Variants in KMT5B observed in about 807,000 individuals in gnomAD.
KMT5B encodes the protein lysine methyltransferase 5B.
In KMT5B, 10 loss-of-function variants were observed where a neutral mutation model predicts 83.2. The observed-to-expected ratio is 0.12, with a 90% CI of 0.07 to 0.20. KMT5B has a LOEUF of 0.20. Ranked by LOEUF, KMT5B falls within the 10% of genes least tolerant of loss-of-function variation. The pLI is 1.00. For synonymous variants in KMT5B, 349 were observed against 388.8 expected, an observed-to-expected ratio of 0.90 and a Z score of 1.20; for missense variants, 753 against 1,067.2, an observed-to-expected ratio of 0.71 and a Z score of 4.10.
intron 1 of KMT5B, among the ~76,000 whole-genome samples, chr11:68,196,943 G>A (rs1858793637): frequency 6.6e-6 from 1 of 151,816 alleles, no homozygotes; most frequent in South Asian, 2.1e-4. Flanking sequence ...TAAAATATAT[G>A]GAATAGAAAG....
Position 68,155,022 on chromosome 11 carries a change from C to T in KMT5B, c.*2666G>A, listed in dbSNP as rs1231427292. The T allele has an allele frequency of 6.6e-6, 1 of 152,138 alleles. No homozygotes were observed. The highest frequency in any genetic ancestry group is 2.4e-5 in the African/African-American group (1 of 41,432). The allele number at this position is 152,138 out of a possible 1,614,324, so 9.4% of individuals were successfully genotyped here. ...TTTCAGTACAAGGAATACATTGTAT[C>T]TCAAAAGTATTACAACTCAGCAAAA... On this transcript the variant is annotated 3_prime_UTR_variant, in exon 11 of 11. Transcript: ENST00000304363.
intron 1 of KMT5B, among the ~76,000 whole-genome samples, chr11:68,210,755 GGGTGATGGAGC>G (rs1860792087): frequency 6.6e-6 from 1 of 152,168 alleles, no homozygotes; most frequent in African/African-American, 2.4e-5. Flanking sequence ...GTAGCTAACA[GGGTGATGGAGC>G]GGAGGGAGGA....
intron 1 of KMT5B, among the ~76,000 whole-genome samples, chr11:68,196,719 A>G (rs772298504): frequency 6.6e-6 from 1 of 151,798 alleles, no homozygotes; most frequent in Non-Finnish European, 1.5e-5. Flanking sequence ...GCTTGCCATT[A>G]TACTTTCTGG....
Position 68,167,182 on chromosome 11 carries a change from A to C in KMT5B, c.978-4T>G. On this transcript the variant is annotated splice_region_variant and splice_polypyrimidine_tract_variant and intron_variant, in intron 9 of 10. Transcript: ENST00000304363. ...TTTAAAAGCACCAGTGCCCCGTCTGAAAGAGAAAATAGCACAGGTTAAACA... is the reference window on the plus strand; with the variant it reads ...TTTAAAAGCACCAGTGCCCCGTCTGCAAGAGAAAATAGCACAGGTTAAACA... The C allele has an allele frequency of 6.2e-7, 1 of 1,604,200 alleles. No individual in the cohort carries two copies. Among genetic ancestry groups the C allele is most frequent in the Non-Finnish European group, 8.5e-7 (1 of 1,174,510 alleles).
intron 9 of KMT5B, among the ~76,000 whole-genome samples, chr11:68,170,493 G>A (rs888225941): frequency 6.6e-6 from 1 of 152,290 alleles, no homozygotes; most frequent in East Asian, 1.9e-4. Context: ...TGAACTGGTG[G>A]TCCTGCCAAT....
rs1012737162 is a variant in KMT5B at position 68,171,857 on chromosome 11, C to T, written c.654-148G>A. On this transcript the variant is annotated intron_variant, in intron 6 of 10. Coordinates refer to ENST00000304363, the MANE Select transcript of KMT5B (RefSeq NM_017635.5). The surrounding 1 kb of genome is among the most constrained non-coding windows in gnomAD (Gnocchi z 5.1). ...TTAGCTCACTGGGATCCCCACCTGG[C>T]TATCTTCTCTCCTACCCTGGAGCTC... 3.9e-5 allele frequency: 25 copies of T among 646,472 alleles called. No homozygotes were observed. The highest frequency in any genetic ancestry group is 5.3e-5 in the Non-Finnish European group (20 of 379,022). 40.0% of individuals were successfully genotyped at this position (646,472 alleles called of 1,614,324 possible). A position where few individuals can be genotyped will look rare whatever the true frequency, so the allele number is the denominator to read the frequency against.
chr11:68,167,547 T>C (rs1458880470), intron 9 of KMT5B, among the ~76,000 whole-genome samples: 1 of 151,748 alleles, frequency 6.6e-6, no homozygotes, highest in African/African-American at 2.4e-5. Context: ...CTCAACCTCT[T>C]AGGCTCAAGA....
chr11:68,183,995 AT>A (rs1857196904), intron 3 of KMT5B, among the ~76,000 whole-genome samples: 1 of 152,172 alleles, frequency 6.6e-6, no homozygotes, highest in Non-Finnish European at 1.5e-5. Context: ...AATGGCAGTC[AT>A]TTGGCAGGGA....
intron 6 of KMT5B, among the ~76,000 whole-genome samples, chr11:68,172,906 G>C (rs556391860): frequency 6.6e-6 from 1 of 152,160 alleles, no homozygotes; most frequent in Non-Finnish European, 1.5e-5. Flanking sequence ...TTTTGTGGTA[G>C]AAATATCAGA....
intron 10 of KMT5B, chr11:68,166,647 T>C (rs1855346082): frequency 9.2e-7 from 1 of 1,083,002 alleles, no homozygotes; most frequent in East Asian, 6.4e-5. Flanking sequence ...CTCAGTCCTT[T>C]TGTCTTCTTG....
intron 1 of KMT5B, among the ~76,000 whole-genome samples, chr11:68,195,752 A>T (rs1443438857): frequency 2.6e-5 from 4 of 151,968 alleles, no homozygotes; most frequent in Non-Finnish European, 5.9e-5. Flanking sequence ...GTGACCAGTA[A>T]TTTTTTTTAA....
chr11:68,188,831 G>A (rs1301070534), intron 2 of KMT5B, among the ~76,000 whole-genome samples: 1 of 152,070 alleles, frequency 6.6e-6, no homozygotes, highest in Non-Finnish European at 1.5e-5. Context: ...AATTCTTCAC[G>A]TTCACACTAG....
chr11:68,194,795 T>A (rs1185253562), intron 1 of KMT5B, among the ~76,000 whole-genome samples: 3 of 152,224 alleles, frequency 2.0e-5, no homozygotes, highest in Admixed American at 1.3e-4. Context: ...TCTGTGGCTA[T>A]AAGCTTTCAT....
chr11:68,189,177 A>G (rs1232999132), intron 2 of KMT5B, among the ~76,000 whole-genome samples: 1 of 152,254 alleles, frequency 6.6e-6, no homozygotes, highest in Non-Finnish European at 1.5e-5. Flanking sequence ...GGCTAGATTC[A>G]CGTTAGAAAA....
intron 1 of KMT5B, among the ~76,000 whole-genome samples, chr11:68,201,462 T>C (rs141594089): frequency 6.6e-6 from 1 of 152,290 alleles, no homozygotes; most frequent in Non-Finnish European, 1.5e-5. Flanking sequence ...CTTTATGAGA[T>C]TATAAATTGT....
chr11:68,165,623 C>A (rs1855249261), intron 10 of KMT5B: 1 of 780,544 alleles, frequency 1.3e-6, no homozygotes, highest in Admixed American at 4.1e-5. Flanking sequence ...AGGTGTGCCA[C>A]CATGCCTGGC....
In KMT5B at chr11:68,183,259, T is replaced by C. The variant is rs182007519; in HGVS notation, c.308+2522A>G. 1.0e-4 allele frequency among the ~76,000 whole-genome samples: 15 copies of C among 149,726 alleles called. 1 individual carries two copies. The highest frequency in any genetic ancestry group is 9.3e-4 in the Admixed American group (14 of 15,004). On this transcript the variant is annotated intron_variant, in intron 3 of 10. Coordinates refer to ENST00000304363, the MANE Select transcript of KMT5B (RefSeq NM_017635.5). ...GAAAAACACTGGGGGTGCTACAGGG[T>C]GACAAATATTATCAGCATCTTCTAG...
intron 3 of KMT5B, among the ~76,000 whole-genome samples, chr11:68,182,350 C>T (rs1857017304): frequency 1.3e-5 from 2 of 152,180 alleles, no homozygotes; most frequent in African/African-American, 4.8e-5. Context: ...CAGGCCCCAC[C>T]CCAAAGCTAC....
At position 68,158,401 on chromosome 11, in the gene KMT5B, G is replaced by A; in HGVS notation, c.1945C>T (p.His649Tyr). ...DDAVPDLMGP[H>Y]SDQGEHSGTV... ...CCACTGTGCTCACCCTGGTCAGAAT[G>A]GGGACCCATCAAATCTGGTACCGCG... The change falls in exon 11 of 11, where the codon CAT becomes TAT. Residue 649 changes from histidine (H) to tyrosine (Y), a missense_variant. Around this residue, in one of 9 missense-constraint regions of KMT5B, gnomAD observed 397 missense variants for 395.9 expected, o/e 1.00. Coordinates refer to ENST00000304363, the MANE Select transcript of KMT5B (RefSeq NM_017635.5). 6.2e-7 allele frequency: 1 copy of A among 1,614,090 alleles called. No individual in the cohort carries two copies. Among genetic ancestry groups the A allele is most frequent in the Non-Finnish European group, 8.5e-7 (1 of 1,179,970 alleles).
Sources: gnomAD v4.1 joint callset for allele counts (sites outside exome capture counted in the v4.1 genomes callset) on GRCh38, gnomAD v4.1.1 for gene constraint, gnomAD v4.1.1 regional missense constraint, Gnocchi (gnomAD v3.1) non-coding constraint, MANE v1.5 for transcripts, NCBI Gene and HGNC (gene_info 2026-07-23, HGNC 2026-07-21) for gene names.